GSE1: variants seen among roughly 807,000 people sequenced by gnomAD.
GSE1 encodes the protein genetic suppressor element 1.
In GSE1, 32 loss-of-function variants were observed where a neutral mutation model predicts 112.6. The ratio of observed to expected loss-of-function variants is 0.28; its 90% CI spans 0.21 to 0.38. GSE1 has a LOEUF of 0.38. GSE1 is among the 10% of genes least tolerant of loss of function. The pLI, the probability that GSE1 is intolerant of heterozygous loss-of-function variation, is 1.00. For synonymous variants in GSE1, 1,115 were observed against 735.6 expected, an observed-to-expected ratio of 1.52 and a Z score of -8.35; for missense variants, 2,348 against 1,699.2, an observed-to-expected ratio of 1.38 and a Z score of -6.71.
intron 2 of GSE1, among the ~76,000 whole-genome samples, chr16:85,500,494 C>T (rs190306334): frequency 6.6e-6 from 1 of 152,340 alleles, no homozygotes; most frequent in Non-Finnish European, 1.5e-5. Flanking sequence ...CGCATTTGTC[C>T]CCCAGCCCCT....
At chr16:85,587,980 C>T (rs991046186) in intron 1 of GSE1, among the ~76,000 whole-genome samples, 1 of 152,184 alleles carries the variant, frequency 6.6e-6, no homozygotes, top group Non-Finnish European at 1.5e-5. Context: ...TGCCCTCGGT[C>T]ATCGTAATTG....
intron 2 of GSE1, among the ~76,000 whole-genome samples, chr16:85,480,430 G>T (rs1327927041): frequency 6.6e-6 from 1 of 152,174 alleles, no homozygotes; most frequent in Non-Finnish European, 1.5e-5. Context: ...CTGCTCCAGG[G>T]TCCCTGGTGA....
chr16:85,339,139 G>A (rs1168855030), intron 1 of GSE1, among the ~76,000 whole-genome samples: 1 of 152,166 alleles, frequency 6.6e-6, no homozygotes, highest in African/African-American at 2.4e-5. Context: ...TGGGTCTGGT[G>A]TCATTTCCCT....
At position 85,360,764 on chromosome 16, in the gene GSE1, G is replaced by T. The variant is rs187508529; in HGVS notation, c.2464+3121G>T. Among the ~76,000 whole-genome samples, 42 of 151,994 alleles carry T rather than the reference G, an allele frequency of 2.8e-4. No individual in the cohort carries two copies. In the East Asian group the frequency reaches 7.2e-3, roughly 26 times the overall value. On this transcript the variant is annotated intron_variant, in intron 2 of 2. Transcript: ENST00000637419. ...GCTCACAGACATGGCATAGGCACGG[G>T]TGCACGCGTAAGTCAGACACACACA... is the stretch of plus-strand genomic sequence containing the variant.
At chr16:85,498,086 G>C (rs1396604604) in intron 2 of GSE1, among the ~76,000 whole-genome samples, 1 of 152,244 alleles carries the variant, frequency 6.6e-6, no homozygotes, top group East Asian at 1.9e-4. Flanking sequence ...GCCCCAGAGG[G>C]GTGTGTGGGC....
At chr16:85,647,144 G>A (rs187576702) in intron 2 of GSE1, among the ~76,000 whole-genome samples, 2 of 152,150 alleles carry the variant, frequency 1.3e-5, no homozygotes, top group South Asian at 2.1e-4. Flanking sequence ...AACCCCTGCC[G>A]CACCTGCAGA....
chr16:85,230,466 C>T (rs150857761), intron 1 of GSE1, among the ~76,000 whole-genome samples: 113 of 152,272 alleles, frequency 7.4e-4, no homozygotes, highest in African/African-American at 2.6e-3. Context: ...CTCGTGTAAC[C>T]GATGGGGTGA....
At chr16:85,287,120 G>A (rs1050300831) in intron 1 of GSE1, among the ~76,000 whole-genome samples, 1 of 152,238 alleles carries the variant, frequency 6.6e-6, no homozygotes, top group African/African-American at 2.4e-5. Context: ...GTTCTGCGGT[G>A]TCACTGAGAA....
At position 85,665,014 on chromosome 16, in the gene GSE1, G is replaced by C. The variant is rs1042085171; in HGVS notation, c.2645-1G>C. ...TTAATCTCAGGCTGCTTTTCTCATAGACAAAGAGAGACTTGTTGAAATGCT... is the reference window on the plus strand; with the variant it reads ...TTAATCTCAGGCTGCTTTTCTCATACACAAAGAGAGACTTGTTGAAATGCT... On this transcript the variant is annotated splice_acceptor_variant, in intron 11 of 15. Transcript: ENST00000253458. LOFTEE classifies it high-confidence loss of function. 1 of 1,588,260 alleles carries C rather than the reference G, an allele frequency of 6.3e-7. No individual in the cohort carries two copies. The highest frequency in any genetic ancestry group is 1.3e-5 in the African/African-American group (1 of 74,476).
intron 1 of GSE1, among the ~76,000 whole-genome samples, chr16:85,331,431 G>GCGTATATATGTA (rs1567692782): frequency 7.5e-6 from 1 of 133,492 alleles, no homozygotes; most frequent in African/African-American, 2.8e-5. Flanking sequence ...ATGTATATAT[G>GCGTATATATGTA]TATATATATG....
At chr16:85,580,319 G>T (rs57017384) in intron 1 of GSE1, 11,190 of 152,460 alleles carry the variant, frequency 0.073, 1,328 homozygotes, top group African/African-American at 0.25. Flanking sequence ...AGGGGTGAGT[G>T]CAGAGAGGGA....
At chr16:85,529,024 A>G (rs2052460745) in intron 2 of GSE1, among the ~76,000 whole-genome samples, 1 of 152,156 alleles carries the variant, frequency 6.6e-6, no homozygotes. Context: ...AGGCACCCTC[A>G]TCTTGGTGGA....
intron 2 of GSE1, among the ~76,000 whole-genome samples, chr16:85,487,056 T>C (rs917646868): frequency 6.6e-6 from 1 of 152,170 alleles, no homozygotes; most frequent in African/African-American, 2.4e-5. Context: ...CCTTGGGCCA[T>C]GCTGGAAGGC....
In GSE1 at chr16:85,236,996, A is replaced by T. The variant is rs1904732110; in HGVS notation, c.2283+65189A>T. On this transcript the variant is annotated intron_variant, in intron 1 of 2. Transcript: ENST00000637419. The stretch of plus-strand genomic sequence containing the variant: ...TCACCACCCCAAGGGTTTCCATTTC[A>T]AGCTGGTGTCTCACAGAGGATGAAA... Among the ~76,000 whole-genome samples, 7 of 152,342 alleles carry T rather than the reference A, an allele frequency of 4.6e-5. No homozygotes were observed. The South Asian group carries it at 1.5e-3, about 32-fold the overall frequency.
Position 85,648,590 on chromosome 16 carries a change from C to T in GSE1, c.265C>T (p.Pro89Ser). The T allele has an allele frequency of 1.2e-6, 2 of 1,604,436 alleles. No homozygotes were observed. Among genetic ancestry groups the T allele is most frequent in the Non-Finnish European group, 1.7e-6 (2 of 1,175,280 alleles). The change falls in exon 3 of 16, where the codon CCG (proline) becomes TCG (serine). Residue 89 changes from proline (P) to serine (S), a missense_variant. By Grantham distance (74) the Pro-to-Ser change is moderately conservative (BLOSUM62 -1). Coordinates refer to ENST00000253458, the MANE Select transcript of GSE1 (RefSeq NM_014615.5). ...LSSESSPVSS[P>S]ATNHSSPAST... The stretch of plus-strand genomic sequence containing the variant: ...CAGCGAGTCGTCCCCCGTGTCCTCT[C>T]CGGCCACCAACCACAGCTCCCCCGC...
chr16:85,509,370 G>T (rs140844616), intron 2 of GSE1, among the ~76,000 whole-genome samples: 1 of 152,210 alleles, frequency 6.6e-6, no homozygotes, highest in Non-Finnish European at 1.5e-5. Context: ...CAGAACAATG[G>T]GGGAGTGGCT....
rs147944227 is a variant in GSE1, at chr16:85,672,447, C to T, written c.3562C>T (p.Arg1188Trp). ...QKQKMVSERE[R>W]LQAELDHLRK... The stretch of plus-strand genomic sequence containing the variant: ...ACAGAAGATGGTCTCAGAAAGGGAG[C>T]GGCTCCAGGCAGAACTGGACCACTT... The change falls in exon 16 of 16, where the codon CGG (arginine) becomes TGG (tryptophan). Residue 1188 changes from arginine to tryptophan, a missense_variant. Arg to Trp is a moderately radical substitution (Grantham distance 101). Transcript: ENST00000253458. 18 of 1,607,928 alleles carry T rather than the reference C, an allele frequency of 1.1e-5. No individual in the cohort carries two copies. Among genetic ancestry groups the T allele is most frequent in the Middle Eastern group, 1.6e-4 (1 of 6,066 alleles).
intron 1 of GSE1, among the ~76,000 whole-genome samples, chr16:85,243,220 A>G (rs777409475): frequency 2.6e-5 from 4 of 152,194 alleles, no homozygotes; most frequent in African/African-American, 7.2e-5. Context: ...AAAACAACAC[A>G]CATTTATTAT....
intron 2 of GSE1, among the ~76,000 whole-genome samples, chr16:85,394,896 A>G (rs7193229): frequency 0.024 from 3,689 of 152,124 alleles, 148 homozygotes; most frequent in African/African-American, 0.081. Flanking sequence ...GGGTAGATGA[A>G]TGGTCTGGAG....
Sources: gnomAD v4.1 joint callset for allele counts (sites outside exome capture counted in the v4.1 genomes callset) on GRCh38, gnomAD v4.1.1 for gene constraint, MANE v1.5 for transcripts, NCBI Gene and HGNC (gene_info 2026-07-23, HGNC 2026-07-21) for gene names.